Variants in SGCD observed in about 807,000 individuals in gnomAD.
SGCD encodes the protein delta-sarcoglycan.
SGCD carries 18 observed loss-of-function variants against 36.6 expected under a neutral mutation model. The observed-to-expected ratio is 0.49, with a 90% CI of 0.34 to 0.73. SGCD has a LOEUF of 0.73. Among genes scored for constraint, SGCD ranks in the 30% least tolerant of loss-of-function variants. The probability of loss-of-function intolerance (pLI) is 0.01; values close to 1 mark genes in which losing one functional copy is unlikely to be tolerated. For synonymous variants in SGCD, 133 were observed against 130.6 expected (o/e 1.02, Z -0.12); for missense variants, 387 against 346.7 (o/e 1.12, Z -0.92).
At chr5:156,719,791 C>G (rs948567039) in intron 7 of SGCD, among the ~76,000 whole-genome samples, 1 of 151,474 alleles carries the variant, frequency 6.6e-6, no homozygotes, top group Non-Finnish European at 1.5e-5. Context: ...TAGCCTAGGC[C>G]CTAAGCACAG....
chr5:156,582,585 G>T (rs1220064762), intron 4 of SGCD, among the ~76,000 whole-genome samples: 1 of 152,204 alleles, frequency 6.6e-6, no homozygotes, highest in Non-Finnish European at 1.5e-5. Context: ...AGGCATCCCA[G>T]TTAACCCTCT....
chr5:156,138,399 T>TCAAAA (rs899904675), intron 3 of SGCD, among the ~76,000 whole-genome samples: 8 of 152,270 alleles, frequency 5.3e-5, no homozygotes, highest in Admixed American at 1.3e-4. Context: ...AGACTTCATC[T>TCAAAA]CAAAACAAAA....
At chr5:156,734,328 C>T (rs781371348) in intron 7 of SGCD, among the ~76,000 whole-genome samples, 38 of 151,240 alleles carry the variant, frequency 2.5e-4, no homozygotes, top group Non-Finnish European at 7.4e-5. Context: ...TTTTCCTTTC[C>T]ACCTTGTAGA....
intron 1 of SGCD, among the ~76,000 whole-genome samples, chr5:155,955,854 G>A (rs1045042384): frequency 6.6e-6 from 1 of 152,068 alleles, no homozygotes; most frequent in African/African-American, 2.4e-5. Context: ...AAGAAACTGA[G>A]GGCACGAGAA....
At chr5:156,116,661 C>G (rs1204245298) in intron 1 of SGCD, among the ~76,000 whole-genome samples, 1 of 152,104 alleles carries the variant, frequency 6.6e-6, no homozygotes, top group African/African-American at 2.4e-5. Flanking sequence ...ACCCTGGACT[C>G]AAGACTCTCC....
intron 1 of SGCD, among the ~76,000 whole-genome samples, chr5:156,092,393 T>A (rs1221223944): frequency 6.6e-6 from 1 of 152,214 alleles, no homozygotes; most frequent in Non-Finnish European, 1.5e-5. Flanking sequence ...ACTAGAATCA[T>A]GTTGGACATT....
intron 7 of SGCD, among the ~76,000 whole-genome samples, chr5:156,670,233 T>A (rs1561848237): frequency 6.6e-6 from 1 of 152,200 alleles, no homozygotes; most frequent in African/African-American, 2.4e-5. Context: ...GGACATGACA[T>A]TTTAAAAATA....
intron 7 of SGCD, among the ~76,000 whole-genome samples, chr5:156,685,520 C>G (rs1265221136): frequency 2.0e-5 from 3 of 152,172 alleles, no homozygotes; most frequent in Non-Finnish European, 4.4e-5. Context: ...GGGCCATCAG[C>G]AATCCTGATG....
the SGCD span, among the ~76,000 whole-genome samples, chr5:155,798,075 C>T: frequency 6.6e-6 from 1 of 152,206 alleles, no homozygotes; most frequent in East Asian, 1.9e-4. Context: ...TCTCAAGCTA[C>T]CTCCTGTTTT....
chr5:155,899,772 T>G (rs565255200), intron 1 of SGCD, among the ~76,000 whole-genome samples: 29 of 152,250 alleles, frequency 1.9e-4, no homozygotes, highest in Middle Eastern at 3.4e-3. Flanking sequence ...TGATAGCCAA[T>G]TAAATGGTAC....
chr5:156,080,280 C>G (rs1438788645), intron 1 of SGCD, among the ~76,000 whole-genome samples: 1 of 152,172 alleles, frequency 6.6e-6, no homozygotes, highest in Non-Finnish European at 1.5e-5. Flanking sequence ...CCTCTTAGGT[C>G]TCTGGGCTTG....
chr5:155,883,112 C>T (rs776394491), intron 1 of SGCD, among the ~76,000 whole-genome samples: 1 of 152,186 alleles, frequency 6.6e-6, no homozygotes, highest in Admixed American at 6.5e-5. Context: ...GCAGCTCCCT[C>T]ACCTCTCTCA....
At chr5:156,503,069 T>G (rs752250823) in intron 3 of SGCD, among the ~76,000 whole-genome samples, 2 of 152,170 alleles carry the variant, frequency 1.3e-5, no homozygotes, top group Non-Finnish European at 1.5e-5. Flanking sequence ...TTGAGGTGAG[T>G]TAGCTGCCAT....
chr5:156,727,103 G>A (rs544582457), intron 7 of SGCD, among the ~76,000 whole-genome samples: 8 of 152,302 alleles, frequency 5.3e-5, no homozygotes, highest in Non-Finnish European at 1.0e-4. Flanking sequence ...TTTGCAGCCA[G>A]GGAGAGAAAT....
chr5:156,099,286 T>A (rs1409263050), intron 1 of SGCD, among the ~76,000 whole-genome samples: 1 of 152,240 alleles, frequency 6.6e-6, no homozygotes, highest in African/African-American at 2.4e-5. Flanking sequence ...ATCCTGACCA[T>A]AAATGTGTGC....
intron 3 of SGCD, among the ~76,000 whole-genome samples, chr5:156,179,401 T>G (rs1037411537): frequency 2.0e-5 from 3 of 152,184 alleles, no homozygotes; most frequent in Non-Finnish European, 4.4e-5. Flanking sequence ...TTTTGTTTCC[T>G]TTTGTATTAT....
chr5:156,344,564 A>T lies in SGCD; in HGVS notation c.79A>T (p.Ile27Phe), dbSNP rs373824540. 2 of 1,612,454 alleles carry T rather than the reference A, an allele frequency of 1.2e-6. No individual in the cohort carries two copies. The highest frequency in any genetic ancestry group is 1.7e-6 in the Non-Finnish European group (2 of 1,179,180). The change falls in exon 3 of 9, where the codon ATT becomes TTT. Residue 27 changes from isoleucine to phenylalanine, a missense_variant. Transcript: ENST00000337851. The stretch of plus-strand genomic sequence containing the variant: ...GGGGCCACAGGTATACAAGGTGGGG[A>T]TTTATGGCTGGCGGAAACGATGCCT... ...SVGPQVYKVG[I>F]YGWRKRCLYF...
At chr5:156,537,498 CACACACACAG>C (rs1165230022) in intron 4 of SGCD, among the ~76,000 whole-genome samples, 14 of 149,104 alleles carry the variant, frequency 9.4e-5, no homozygotes, top group African/African-American at 3.0e-4. Context: ...CACACACACA[CACACACACAG>C]GTATATATAT....
intron 4 of SGCD, among the ~76,000 whole-genome samples, chr5:156,553,000 T>C (rs542295919): frequency 9.9e-5 from 15 of 152,274 alleles, no homozygotes; most frequent in Non-Finnish European, 1.6e-4. Context: ...GGTTGGCAAG[T>C]TCAAGATTGA....
Sources: gnomAD v4.1 joint callset for allele counts (sites outside exome capture counted in the v4.1 genomes callset) on GRCh38, gnomAD v4.1.1 for gene constraint, MANE v1.5 for transcripts, NCBI Gene and HGNC (gene_info 2026-07-23, HGNC 2026-07-21) for gene names.